ST6GALNAC3: variants seen among roughly 807,000 people sequenced by gnomAD.
ST6GALNAC3 encodes alpha-N-acetylgalactosaminide alpha-2,6-sialyltransferase 3.
A neutral mutation model predicts 32.7 loss-of-function variants in ST6GALNAC3; 25 were observed. That is an observed-to-expected ratio of 0.76 (90% CI 0.56 to 1.07). The LOEUF (loss-of-function observed/expected upper bound fraction) is 1.07. ST6GALNAC3 is among the 50% of genes least tolerant of loss of function. The pLI is 0.00. For synonymous variants in ST6GALNAC3, 129 were observed against 133.1 expected (o/e 0.97, Z 0.21); for missense variants, 355 against 382.4 (o/e 0.93, Z 0.60).
In ST6GALNAC3 at chr1:76,278,984, A is replaced by G. The variant is rs76585539; in HGVS notation, c.19-34821A>G. Among the ~76,000 whole-genome samples the G allele has an allele frequency of 2.4e-3, 366 of 152,312 alleles. 2 individuals are homozygous for G. Among genetic ancestry groups the G allele is most frequent in the Non-Finnish European group, 3.9e-3 (268 of 68,032 alleles). On this transcript the variant is annotated intron_variant, in intron 1 of 4. Transcript: ENST00000328299. ...GACCGGAATGGATAATCCTTTCTGT[A>G]GACAATTATGTGGCTCTGTCTCCCC...
chr1:76,511,018 T>A (rs2101756333), intron 3 of ST6GALNAC3, among the ~76,000 whole-genome samples: 1 of 152,320 alleles, frequency 6.6e-6, no homozygotes, highest in East Asian at 1.9e-4. Flanking sequence ...TTAATCCTCA[T>A]AACCCAAGCC....
chr1:76,537,739 C>T (rs1217714103), intron 3 of ST6GALNAC3, among the ~76,000 whole-genome samples: 1 of 152,136 alleles, frequency 6.6e-6, no homozygotes, highest in Non-Finnish European at 1.5e-5. Flanking sequence ...ACTATAAATA[C>T]CTCTGTGCAA....
At chr1:76,295,465 C>A (rs999860154) in intron 1 of ST6GALNAC3, among the ~76,000 whole-genome samples, 1 of 151,868 alleles carries the variant, frequency 6.6e-6, no homozygotes, top group African/African-American at 2.4e-5. Flanking sequence ...AAATTGTTTC[C>A]CTAGTGATGT....
intron 1 of ST6GALNAC3, among the ~76,000 whole-genome samples, chr1:76,179,041 G>A (rs1653018334): frequency 6.6e-6 from 1 of 152,084 alleles, no homozygotes; most frequent in Admixed American, 6.5e-5. Context: ...TCCTGAGTTA[G>A]CCTTTAGCAT....
intron 3 of ST6GALNAC3, among the ~76,000 whole-genome samples, chr1:76,505,268 G>A (rs1661409666): frequency 6.6e-6 from 1 of 151,872 alleles, no homozygotes; most frequent in Admixed American, 6.6e-5. Context: ...GACTACAGGT[G>A]CGTGCCACCA....
intron 1 of ST6GALNAC3, among the ~76,000 whole-genome samples, chr1:76,299,647 T>C (rs1397730839): frequency 6.6e-6 from 1 of 152,046 alleles, no homozygotes; most frequent in Non-Finnish European, 1.5e-5. Context: ...CTCCCACCAG[T>C]TGAATCTGTT....
intron 3 of ST6GALNAC3, among the ~76,000 whole-genome samples, chr1:76,489,969 G>C (rs573442479): frequency 6.6e-6 from 1 of 152,212 alleles, no homozygotes; most frequent in Non-Finnish European, 1.5e-5. Context: ...CATACCCTCG[G>C]TGTAAATCTT....
At chr1:76,565,086 G>A (rs1665473613) in intron 3 of ST6GALNAC3, among the ~76,000 whole-genome samples, 2 of 152,094 alleles carry the variant, frequency 1.3e-5, no homozygotes, top group Non-Finnish European at 2.9e-5. Flanking sequence ...ATGTCTCTCA[G>A]TCCGGTGTCC....
intron 3 of ST6GALNAC3, among the ~76,000 whole-genome samples, chr1:76,605,553 AC>A (rs1223276838): frequency 3.9e-5 from 6 of 151,996 alleles, no homozygotes; most frequent in African/African-American, 1.2e-4. Flanking sequence ...AGAAAAAAAA[AC>A]AAACAACCCC....
intron 3 of ST6GALNAC3, among the ~76,000 whole-genome samples, chr1:76,450,329 A>C (rs1004310713): frequency 3.9e-5 from 6 of 152,052 alleles, no homozygotes; most frequent in Non-Finnish European, 8.8e-5. Flanking sequence ...TTCTCTGATC[A>C]TTAGTGATTT....
intron 3 of ST6GALNAC3, among the ~76,000 whole-genome samples, chr1:76,607,300 T>C (rs1426714110): frequency 2.6e-5 from 4 of 152,154 alleles, no homozygotes; most frequent in African/African-American, 9.7e-5. Flanking sequence ...CACCATTGTT[T>C]AGAGGTTTTA....
chr1:76,306,067 A>G (rs1661033226), intron 1 of ST6GALNAC3: 1 of 328,988 alleles, frequency 3.0e-6, no homozygotes, highest in South Asian at 2.6e-5. Flanking sequence ...AAAATACCTA[A>G]TTCATATGGA....
chr1:76,353,881 C>A, intron 2 of ST6GALNAC3: 1 of 155,406 alleles, frequency 6.4e-6, no homozygotes, highest in East Asian at 1.9e-4. Flanking sequence ...TTCAGAACCC[C>A]AGCCTACTCC....
chr1:76,146,646 G>A (rs1570184094), intron 1 of ST6GALNAC3, among the ~76,000 whole-genome samples: 1 of 151,858 alleles, frequency 6.6e-6, no homozygotes, highest in Non-Finnish European at 1.5e-5. Flanking sequence ...CTCTTGTTCA[G>A]CATTTCATAA....
chr1:76,358,490 G>A (rs1436895312), intron 2 of ST6GALNAC3, among the ~76,000 whole-genome samples: 1 of 152,012 alleles, frequency 6.6e-6, no homozygotes, highest in Non-Finnish European at 1.5e-5. Context: ...CAAGCCTCTA[G>A]TTTTTACCTC....
intron 3 of ST6GALNAC3, among the ~76,000 whole-genome samples, chr1:76,424,918 C>T (rs1403361558): frequency 6.6e-6 from 1 of 151,806 alleles, no homozygotes. Flanking sequence ...TTTGTGGTTG[C>T]TAAAGCTAGA....
intron 3 of ST6GALNAC3, among the ~76,000 whole-genome samples, chr1:76,507,390 C>T (rs917983510): frequency 9.2e-5 from 14 of 152,278 alleles, no homozygotes; most frequent in Non-Finnish European, 1.6e-4. Flanking sequence ...TTTTAGGACA[C>T]TTTCACCACT....
intron 1 of ST6GALNAC3, among the ~76,000 whole-genome samples, chr1:76,118,800 C>T (rs967184394): frequency 1.3e-5 from 2 of 152,064 alleles, no homozygotes; most frequent in Non-Finnish European, 2.9e-5. Flanking sequence ...TACAGTTTTC[C>T]TGAAGTATCT....
chr1:76,184,032 C>T (rs1054039722), intron 1 of ST6GALNAC3, among the ~76,000 whole-genome samples: 6 of 151,868 alleles, frequency 4.0e-5, no homozygotes, highest in Non-Finnish European at 8.8e-5. Flanking sequence ...CCACTTTTCT[C>T]TCTACTCTGA....
Sources: gnomAD v4.1 joint callset for allele counts (sites outside exome capture counted in the v4.1 genomes callset) on GRCh38, gnomAD v4.1.1 for gene constraint, MANE v1.5 for transcripts, NCBI Gene and HGNC (gene_info 2026-07-23, HGNC 2026-07-21) for gene names.